SLC39A8: variants seen among roughly 807,000 people sequenced by gnomAD.
SLC39A8 encodes the protein solute carrier family 39 member 8.
In SLC39A8, 15 loss-of-function variants were observed where a neutral mutation model predicts 40.4. The observed-to-expected ratio is 0.37, with a 90% CI of 0.25 to 0.57. The LOEUF is 0.57. SLC39A8 is among the 20% of genes least tolerant of loss of function. The probability of loss-of-function intolerance (pLI) is 0.75; values close to 1 mark genes in which losing one functional copy is unlikely to be tolerated. For missense variants in SLC39A8, 472 were observed against 558.8 expected, an observed-to-expected ratio of 0.84 and a Z score of 1.57; for synonymous variants, 223 against 221.6, an observed-to-expected ratio of 1.01 and a Z score of -0.06.
chr4:102,289,862 A>G (rs1022072768), intron 6 of SLC39A8, among the ~76,000 whole-genome samples: 8 of 152,182 alleles, frequency 5.3e-5, no homozygotes, highest in African/African-American at 1.4e-4. Context: ...TACTGCTGGT[A>G]TAGATGCTGT....
chr4:102,279,589 G>A (rs1168596367), intron 6 of SLC39A8, among the ~76,000 whole-genome samples: 1 of 152,154 alleles, frequency 6.6e-6, no homozygotes, highest in East Asian at 1.9e-4. Context: ...CAGTCAAGGT[G>A]ATGTCAGACA....
At chr4:102,256,002 A>T (rs182096417) in intron 11 of SLC39A8, among the ~76,000 whole-genome samples, 1 of 152,196 alleles carries the variant, frequency 6.6e-6, no homozygotes, top group Non-Finnish European at 1.5e-5. Context: ...AGATTTTTTC[A>T]TGGAAACACA....
chr4:102,304,916 T>C (rs2149033477), intron 5 of SLC39A8, 73 bp downstream of exon 5: 1 of 1,320,198 alleles, frequency 7.6e-7, no homozygotes, highest in Non-Finnish European at 1.0e-6. Context: ...AAATAAAATT[T>C]CTGTCTTTAT....
chr4:102,255,134 C>T (rs1731679140), intron 11 of SLC39A8, among the ~76,000 whole-genome samples: 1 of 152,186 alleles, frequency 6.6e-6, no homozygotes, highest in African/African-American at 2.4e-5. Flanking sequence ...TGACTCCTGA[C>T]ATTGATAGTG....
At chr4:102,343,448 C>T (rs1736026525) in intron 2 of SLC39A8, among the ~76,000 whole-genome samples, 2 of 152,142 alleles carry the variant, frequency 1.3e-5, no homozygotes, top group Non-Finnish European at 1.5e-5. Context: ...TTGTAACAAA[C>T]TAACATCGTC....
At chr4:102,312,555 A>G (rs1734478066) in intron 3 of SLC39A8, among the ~76,000 whole-genome samples, 2 of 152,130 alleles carry the variant, frequency 1.3e-5, no homozygotes, top group African/African-American at 2.4e-5. Flanking sequence ...TAACTTGCAC[A>G]GAGCAACTGG....
At chr4:102,304,190 C>A in intron 6 of SLC39A8, 127 bp downstream of exon 6, 1 of 610,110 alleles carries the variant, frequency 1.6e-6, no homozygotes, top group Non-Finnish European at 2.7e-6. Flanking sequence ...ATTCCAGTTA[C>A]CCCACATATA....
intron 2 of SLC39A8, among the ~76,000 whole-genome samples, chr4:102,329,622 C>CAA (rs201339453): frequency 1.6e-4 from 12 of 74,968 alleles, no homozygotes; most frequent in African/African-American, 3.7e-4. Context: ...GAATCTGTCT[C>CAA]AAAAAAAAAA....
intron 6 of SLC39A8, among the ~76,000 whole-genome samples, chr4:102,272,030 C>T (rs115290245): frequency 0.011 from 1,676 of 152,070 alleles, 36 homozygotes; most frequent in African/African-American, 0.038. Context: ...AATCCAGGAA[C>T]CAAGAGGTGA....
chr4:102,309,605 C>T (rs1012564365), intron 3 of SLC39A8, among the ~76,000 whole-genome samples: 16 of 152,010 alleles, frequency 1.1e-4, no homozygotes, highest in Non-Finnish European at 2.1e-4. Flanking sequence ...ATTCATTCAA[C>T]AAATATTTAT....
chr4:102,300,904 G>T lies in SLC39A8; in HGVS notation c.840+3413C>A, dbSNP rs182912519. On this transcript the variant is annotated intron_variant, in intron 6 of 8. Coordinates refer to ENST00000356736, the MANE Select transcript of SLC39A8 (RefSeq NM_001135146.2). ...TTATTTCTTAAATTTCATTTCTTTT[G>T]ATTTTTTGTGCAATGTAAACAAAAC... Among the ~76,000 whole-genome samples, 1,125 of 151,818 alleles carry T rather than the reference G, an allele frequency of 7.4e-3. 12 individuals are homozygous for T. Among genetic ancestry groups the T allele is most frequent in the African/African-American group, 0.026 (1,074 of 41,434 alleles).
chr4:102,318,780 C>T (rs559469833), intron 2 of SLC39A8, among the ~76,000 whole-genome samples: 23 of 152,272 alleles, frequency 1.5e-4, no homozygotes, highest in African/African-American at 1.9e-4. Context: ...GATGATTGTA[C>T]GGAATGCTAT....
chr4:102,254,054 G>A (rs1731654636), intron 11 of SLC39A8, among the ~76,000 whole-genome samples: 1 of 152,150 alleles, frequency 6.6e-6, no homozygotes, highest in Admixed American at 6.5e-5. Flanking sequence ...TTCCAGTCAT[G>A]GGAGGAGAGA....
rs908565906 is a variant in SLC39A8, at chr4:102,306,228, T to G, written c.553-1117A>C. 3.3e-5 allele frequency among the ~76,000 whole-genome samples: 5 copies of G among 151,908 alleles called. No homozygotes were observed. The South Asian group carries it at 1.0e-3, about 31-fold the overall frequency. ...AGAGTCTTTAGTCCACATACAGTATTAGTTTGTTTAATTTACTTTGACCCA... is the reference window on the plus strand; with the variant it reads ...AGAGTCTTTAGTCCACATACAGTATGAGTTTGTTTAATTTACTTTGACCCA... On this transcript the variant is annotated intron_variant, in intron 4 of 8. Transcript: ENST00000356736.
At chr4:102,265,708 A>C (rs1233191964) in intron 8 of SLC39A8, among the ~76,000 whole-genome samples, 1 of 152,268 alleles carries the variant, frequency 6.6e-6, no homozygotes, top group Non-Finnish European at 1.5e-5. Context: ...AGGTTTTAGT[A>C]CTGATAGCTT....
chr4:102,270,627 G>A (rs1002021202), intron 6 of SLC39A8, among the ~76,000 whole-genome samples: 5 of 152,190 alleles, frequency 3.3e-5, no homozygotes, highest in Non-Finnish European at 5.9e-5. Flanking sequence ...CCTCAGCCAT[G>A]ATGAGGCAAT....
rs199548524 is a variant in SLC39A8 at position 102,267,532 on chromosome 4, T to C, written c.1191A>G (p.Ala397=). 3.6e-5 allele frequency: 58 copies of C among 1,613,674 alleles called. No individual in the cohort carries two copies. The East Asian group carries it at 1.3e-3, about 36-fold the overall frequency. ...TATAGAGGAACATGCCTCCAGCAAG[T>C]GCAAATATAATATTTGGAGCGAAAT... is the stretch of plus-strand genomic sequence containing the variant. The part of the protein sequence containing the change: ...GNNFAPNIIF[A]LAGGMFLYIS... Residue 397 remains alanine (A), a synonymous_variant, in exon 8 of 9, where the codon GCA becomes GCG. Transcript: ENST00000356736.
downstream of SLC39A8, chr4:102,261,653 A>G (rs72924816): frequency 1.7e-3 from 1,621 of 957,152 alleles, 24 homozygotes; most frequent in African/African-American, 0.025. Flanking sequence ...TAAATAACAA[A>G]TGACACAATA....
At chr4:102,251,716 T>C (rs1360163692) in exon 12 of SLC39A8, 1 of 152,250 alleles carries the variant, frequency 6.6e-6, no homozygotes, top group Non-Finnish European at 1.5e-5. Flanking sequence ...AAAAGGCAGC[T>C]AAATTATGTG....
Sources: allele counts gnomAD v4.1 joint callset (sites outside exome capture counted in the v4.1 genomes callset), GRCh38; gene constraint gnomAD v4.1.1; transcripts MANE v1.5; gene names NCBI Gene and HGNC (gene_info 2026-07-23, HGNC 2026-07-21).